Variants in NXNL2 observed in about 807,000 individuals in gnomAD.
NXNL2 encodes the protein nucleoredoxin like 2.
A neutral mutation model predicts 11.1 loss-of-function variants in NXNL2; 7 were observed. That is an observed-to-expected ratio of 0.63 (90% CI 0.36 to 1.18). NXNL2 has a LOEUF of 1.18. Ranked by LOEUF, NXNL2 falls within the 50% of genes most tolerant of loss-of-function variation. The pLI, the probability that NXNL2 is intolerant of heterozygous loss-of-function variation, is 0.02. For synonymous variants in NXNL2, 109 were observed against 101.8 expected, an observed-to-expected ratio of 1.07 and a Z score of -0.42; for missense variants, 233 against 217.7, an observed-to-expected ratio of 1.07 and a Z score of -0.44.
intron 2 of NXNL2, among the ~76,000 whole-genome samples, chr9:88,572,433 AC>A (rs1240753577): frequency 2.6e-5 from 4 of 152,088 alleles, no homozygotes; most frequent in Non-Finnish European, 4.4e-5. Flanking sequence ...ATCAGACAAC[AC>A]TTCTAAGTAG....
In NXNL2 at chr9:88,540,935, ATT is replaced by A. The variant is rs71507764; in HGVS notation, c.303-3418_303-3417del. ...CTTTTTCCTTGCTCAATCTCAGTAGATTTTTTTTTTTTTTTTTTTTTTTTTTT... is the reference window on the plus strand; with the variant it reads ...CTTTTTCCTTGCTCAATCTCAGTAGATTTTTTTTTTTTTTTTTTTTTTTTT... On this transcript the variant is annotated intron_variant, in intron 1 of 1. Coordinates refer to ENST00000375854, the MANE Select transcript of NXNL2 (RefSeq NM_001161625.2). 4.4e-3 allele frequency among the ~76,000 whole-genome samples: 398 copies of A among 90,982 alleles called. 1 individual carries two copies. Among genetic ancestry groups the A allele is most frequent in the African/African-American group, 0.018 (369 of 20,102 alleles). 59.7% of individuals were successfully genotyped at this position (90,982 alleles called of 152,430 possible). A position where few individuals can be genotyped will look rare whatever the true frequency, so the allele number is the denominator to read the frequency against.
At chr9:88,560,276 C>T (rs968115246) in intron 1 of NXNL2, among the ~76,000 whole-genome samples, 2 of 151,726 alleles carry the variant, frequency 1.3e-5, no homozygotes, top group African/African-American at 4.8e-5. Context: ...ATTGCCCACT[C>T]AGCCCTTCTG....
chr9:88,568,889 C>T (rs1248244506), intron 1 of NXNL2, among the ~76,000 whole-genome samples: 1 of 152,072 alleles, frequency 6.6e-6, no homozygotes, highest in Non-Finnish European at 1.5e-5. Flanking sequence ...GCAAGAAGAT[C>T]TGAGATATCT....
intron 1 of NXNL2, among the ~76,000 whole-genome samples, chr9:88,567,692 G>C (rs902421556): frequency 6.6e-6 from 1 of 152,156 alleles, no homozygotes; most frequent in Non-Finnish European, 1.5e-5. Flanking sequence ...GGAATAATCT[G>C]TCTTTCTCCC....
intron 1 of NXNL2, among the ~76,000 whole-genome samples, chr9:88,551,370 T>C (rs1241424434): frequency 6.6e-6 from 1 of 152,226 alleles, no homozygotes; most frequent in Non-Finnish European, 1.5e-5. Flanking sequence ...CATCTCTTTT[T>C]ATTTTTGTTC....
intron 1 of NXNL2, among the ~76,000 whole-genome samples, chr9:88,568,245 A>C (rs1395139623): frequency 6.6e-6 from 1 of 152,208 alleles, no homozygotes; most frequent in African/African-American, 2.4e-5. Flanking sequence ...TATTTTAATT[A>C]ATTTAAATTT....
At chr9:88,566,991 T>C (rs143075921) in intron 1 of NXNL2, among the ~76,000 whole-genome samples, 3 of 150,562 alleles carry the variant, frequency 2.0e-5, no homozygotes, top group African/African-American at 7.4e-5. Context: ...TATCTATCTA[T>C]CTATCTATCT....
intron 1 of NXNL2, among the ~76,000 whole-genome samples, chr9:88,561,538 AC>A (rs1410015500): frequency 6.6e-6 from 1 of 152,174 alleles, no homozygotes; most frequent in Non-Finnish European, 1.5e-5. Flanking sequence ...GAGAACCCTG[AC>A]TAATACATGG....
At chr9:88,549,469 C>T (rs893925744), downstream of NXNL2, among the ~76,000 whole-genome samples, 8 of 152,194 alleles carry the variant, frequency 5.3e-5, no homozygotes, top group Admixed American at 2.0e-4. Flanking sequence ...TGAAAAGCCT[C>T]CATTCTATAT....
At position 88,535,350 on chromosome 9, in the gene NXNL2, C is replaced by A. The variant is rs1056577803; in HGVS notation, c.-85C>A. The A allele has an allele frequency of 2.2e-6, 3 of 1,341,414 alleles. No individual in the cohort carries two copies. The highest frequency in any genetic ancestry group is 3.0e-6 in the Non-Finnish European group (3 of 1,009,998). The allele number at this position is 1,341,414 out of a possible 1,614,324, so 83.1% of individuals were successfully genotyped here. Reference sequence around the variant, plus strand: ...CCCGGTGGTGCGGACAGAGGCGGGGCACCGCGGCGCTCGCCGCCGCCTCCC... The same window carrying A: ...CCCGGTGGTGCGGACAGAGGCGGGGAACCGCGGCGCTCGCCGCCGCCTCCC... On this transcript the variant is annotated 5_prime_UTR_variant, in exon 1 of 2. Transcript: ENST00000375854.
intron 1 of NXNL2, among the ~76,000 whole-genome samples, chr9:88,560,781 A>G (rs1340973715): frequency 6.6e-6 from 1 of 152,130 alleles, no homozygotes; most frequent in Non-Finnish European, 1.5e-5. Context: ...TGCAGACAAC[A>G]AGCCTGGGAA....
rs2118378067 is a variant in NXNL2 at position 88,535,706 on chromosome 9, T to A, written c.272T>A (p.Leu91Gln). 2 of 1,593,504 alleles carry A rather than the reference T, an allele frequency of 1.3e-6. No individual in the cohort carries two copies. The highest frequency in any genetic ancestry group is 1.7e-6 in the Non-Finnish European group (2 of 1,173,816). Residue 91 changes from leucine to glutamine, a missense_variant, in exon 1 of 2, where the codon CTG (leucine) becomes CAG (glutamine). Physicochemically the swap from Leu to Gln is moderately radical, Grantham distance 113. Coordinates refer to ENST00000375854, the MANE Select transcript of NXNL2 (RefSeq NM_001161625.2). ...ATGCGCGAGCTGCATGGCGCCTGGC[T>A]GGCGCTGCCCTTCCACGACCCCTAC... is the stretch of plus-strand genomic sequence containing the variant. Reference protein sequence around the residue: ...DFMRELHGAWLALPFHDPYRH... With the variant: ...DFMRELHGAWQALPFHDPYRH...
chr9:88,537,764 G>A (rs1252554764), intron 1 of NXNL2, among the ~76,000 whole-genome samples: 4 of 152,224 alleles, frequency 2.6e-5, no homozygotes, highest in Non-Finnish European at 4.4e-5. Flanking sequence ...GCCAGACATG[G>A]TTCAGTGCCT....
chr9:88,562,356 T>C (rs1304147918), intron 1 of NXNL2, among the ~76,000 whole-genome samples: 1 of 152,168 alleles, frequency 6.6e-6, no homozygotes, highest in Non-Finnish European at 1.5e-5. Flanking sequence ...TGCATCTCCA[T>C]CTAGGTGCTG....
chr9:88,557,743 C>T (rs1830036396), intron 1 of NXNL2, among the ~76,000 whole-genome samples: 1 of 152,224 alleles, frequency 6.6e-6, no homozygotes, highest in South Asian at 2.1e-4. Context: ...GAAAACCAGC[C>T]AACCAGCAGC....
intron 1 of NXNL2, among the ~76,000 whole-genome samples, chr9:88,582,266 C>CAGGAGATCG (rs1449799161): frequency 3.0e-4 from 45 of 152,170 alleles, no homozygotes; most frequent in African/African-American, 1.0e-3. Flanking sequence ...ATCACGAGGT[C>CAGGAGATCG]AGACCATCCT....
At chr9:88,566,709 T>G (rs1830175171) in intron 1 of NXNL2, among the ~76,000 whole-genome samples, 1 of 152,212 alleles carries the variant, frequency 6.6e-6, no homozygotes, top group Non-Finnish European at 1.5e-5. Context: ...AAGGACACAT[T>G]TCATTCTTTT....
Position 88,542,708 on chromosome 9 carries a change from A to AT in NXNL2, c.303-1667dup, listed in dbSNP as rs200373623. On this transcript the variant is annotated intron_variant, in intron 1 of 1. Coordinates refer to ENST00000375854, the MANE Select transcript of NXNL2 (RefSeq NM_001161625.2). ...CCTTTGTGACTTGAGAACATGATTG[A>AT]TTTTGTCACTGCTTCATAGATGTTT... Among the ~76,000 whole-genome samples, 3 of 152,216 alleles carry AT rather than the reference A, an allele frequency of 2.0e-5. 1 individual carries two copies. In the Middle Eastern group the frequency reaches 0.01, roughly 518 times the overall value.
Position 88,571,009 on chromosome 9 carries a change from C to T in NXNL2, c.303-78C>T, listed in dbSNP as rs1470693691. The T allele has an allele frequency of 1.1e-5, 4 of 368,174 alleles. No homozygotes were observed. In the Admixed American group the frequency reaches 1.4e-4, roughly 13 times the overall value. The allele number at this position is 368,174 out of a possible 1,614,324, so 22.8% of individuals were successfully genotyped here. A position where few individuals can be genotyped will look rare whatever the true frequency, so the allele number is the denominator to read the frequency against. ...CCACCCGAGTTGGCCTCCCAAAGTG[C>T]TGGGATTACAGGTGTGAGCCACCGG... On this transcript the variant is annotated intron_variant, in intron 1 of 2. Transcript: ENST00000375855.
Sources: gnomAD v4.1 joint callset for allele counts (sites outside exome capture counted in the v4.1 genomes callset) on GRCh38, gnomAD v4.1.1 for gene constraint, MANE v1.5 for transcripts, NCBI Gene and HGNC (gene_info 2026-07-23, HGNC 2026-07-21) for gene names.